Variants in DNAH12 observed in about 807,000 individuals in gnomAD.
DNAH12 encodes the protein dynein axonemal heavy chain 12.
A neutral mutation model predicts 371.5 loss-of-function variants in DNAH12; 285 were observed. That is an observed-to-expected ratio of 0.77 (90% CI 0.70 to 0.85). The LOEUF (loss-of-function observed/expected upper bound fraction) is 0.85, where lower values mean the gene tolerates loss of function less well. DNAH12 is among the 40% of genes least tolerant of loss of function. DNAH12 has a pLI of 0.00. For synonymous variants in DNAH12, 1,200 were observed against 1,213.0 expected (o/e 0.99, Z 0.22); for missense variants, 3,611 against 3,689.4 (o/e 0.98, Z 0.55).
intron 29 of DNAH12, among the ~76,000 whole-genome samples, 176 bp downstream of exon 29, chr3:57,444,521 T>C (rs1050431462): frequency 6.6e-6 from 1 of 152,328 alleles, no homozygotes; most frequent in Non-Finnish European, 1.5e-5. Context: ...AGGTTAACCC[T>C]GGTATCATAT....
intron 43 of DNAH12, among the ~76,000 whole-genome samples, chr3:57,395,991 A>C (rs1352462671): frequency 6.6e-6 from 1 of 151,878 alleles, no homozygotes; most frequent in Non-Finnish European, 1.5e-5. Context: ...TAAAAATTTT[A>C]ATTTAGGCTG....
At chr3:57,441,458 C>T (rs1370657042) in intron 29 of DNAH12, among the ~76,000 whole-genome samples, 1 of 151,956 alleles carries the variant, frequency 6.6e-6, no homozygotes, top group Non-Finnish European at 1.5e-5. Context: ...ACTGAAGTTC[C>T]GGAAGGAGAG....
Position 57,472,657 on chromosome 3 carries a change from T to G in DNAH12, c.1665A>C (p.Gln555His). Residue 555 changes from glutamine (Q) to histidine (H), a missense_variant, in exon 14 of 74, where the codon CAA (glutamine) becomes CAC (histidine). Coordinates refer to ENST00000495027, the MANE Select transcript of DNAH12 (RefSeq NM_001366028.2). The part of the protein sequence containing the change: ...LILRIQESKR[Q>H]MSYFLDVFLF... The stretch of plus-strand genomic sequence containing the variant: ...GGAAAACATCTAAAAAGTAACTCAT[T>G]TGGCGTTTAGATTCCTACAAAAGAA... 1 of 1,550,394 alleles carries G rather than the reference T, an allele frequency of 6.4e-7. No homozygotes were observed. The highest frequency in any genetic ancestry group is 8.7e-7 in the Non-Finnish European group (1 of 1,146,554).
chr3:57,408,410 C>A lies in DNAH12; in HGVS notation c.6146G>T (p.Ser2049Ile). The A allele has an allele frequency of 6.4e-7, 1 of 1,551,566 alleles. No individual in the cohort carries two copies. The highest frequency in any genetic ancestry group is 8.7e-7 in the Non-Finnish European group (1 of 1,146,928). The change falls in exon 40 of 74, where the codon AGT becomes ATT. Residue 2049 changes from serine to isoleucine, a missense_variant. By Grantham distance (142) the Ser-to-Ile change is moderately radical. This residue lies in a region of DNAH12 where 2,266 missense variants were observed against 2,236.9 expected (regional missense o/e 1.01). Transcript: ENST00000495027. Reference protein sequence around the residue: ...PRCIRHFNICSINSFSDETMV... With the variant: ...PRCIRHFNICIINSFSDETMV... ...AGTTTCATCACTAAAAGAATTAATACTGCAGATGTTGAAATGTCGAATACA... is the reference window on the plus strand; with the variant it reads ...AGTTTCATCACTAAAAGAATTAATAATGCAGATGTTGAAATGTCGAATACA...
intron 60 of DNAH12, among the ~76,000 whole-genome samples, chr3:57,343,659 G>GTT (rs2062461715): frequency 6.6e-6 from 1 of 152,210 alleles, no homozygotes; most frequent in African/African-American, 2.4e-5. Flanking sequence ...AGGTGGATTA[G>GTT]TAAAAGGGGA....
chr3:57,529,728 G>T (rs577908522), intron 2 of DNAH12, among the ~76,000 whole-genome samples: 32 of 151,968 alleles, frequency 2.1e-4, no homozygotes, highest in Non-Finnish European at 4.3e-4. Flanking sequence ...TCATTCCAAT[G>T]TCATTTATTT....
chr3:57,403,599 C>G (rs2063936070), intron 42 of DNAH12, 98 bp from the exon 43 acceptor site: 1 of 1,158,152 alleles, frequency 8.6e-7, no homozygotes. Context: ...GAATGTGACT[C>G]TGCTGTCCCA....
intron 11 of DNAH12, among the ~76,000 whole-genome samples, chr3:57,492,819 A>G (rs1385273081): frequency 1.3e-5 from 2 of 152,136 alleles, no homozygotes; most frequent in African/African-American, 4.8e-5. Context: ...ATCCTGGCCA[A>G]CATGGTGAAA....
chr3:57,428,586 G>A (rs1361354168), intron 34 of DNAH12, 47 bp downstream of exon 34: 1 of 1,509,748 alleles, frequency 6.6e-7, no homozygotes, highest in Non-Finnish European at 8.8e-7. Context: ...TAGTCAAGTT[G>A]AATGGAAACA....
rs1355322159 is a variant in DNAH12, at chr3:57,408,410, C to T, written c.6146G>A (p.Ser2049Asn). The T allele has an allele frequency of 6.4e-7, 1 of 1,551,566 alleles. No individual in the cohort carries two copies. The change falls in exon 40 of 74, where the codon AGT (serine) becomes AAT (asparagine). Residue 2049 changes from serine to asparagine, a missense_variant. Ser to Asn is a conservative substitution (Grantham distance 46, BLOSUM62 1). Around this residue, in one of 3 missense-constraint regions of DNAH12, gnomAD observed 2,266 missense variants for 2,236.9 expected, o/e 1.01. Coordinates refer to ENST00000495027, the MANE Select transcript of DNAH12 (RefSeq NM_001366028.2). ...AGTTTCATCACTAAAAGAATTAATACTGCAGATGTTGAAATGTCGAATACA... is the reference window on the plus strand; with the variant it reads ...AGTTTCATCACTAAAAGAATTAATATTGCAGATGTTGAAATGTCGAATACA... The part of the protein sequence containing the change: ...PRCIRHFNIC[S>N]INSFSDETMV...
At position 57,384,850 on chromosome 3, in the gene DNAH12, C is replaced by T. The variant is rs1237610582; in HGVS notation, c.7839G>A (p.Leu2613=). 1 of 152,192 alleles carries T rather than the reference C, an allele frequency of 6.6e-6. No homozygotes were observed. Among genetic ancestry groups the T allele is most frequent in the Non-Finnish European group, 1.5e-5 (1 of 68,022 alleles). The allele number at this position is 152,192 out of a possible 1,614,324, so 9.4% of individuals were successfully genotyped here. A position where few individuals can be genotyped will look rare whatever the true frequency, so the allele number is the denominator to read the frequency against. ...TTGCCTTAAGTGTATCCAGTGCAGA[C>T]AGAGCTGCTTCCAAGGCTGGAATCG... is the stretch of plus-strand genomic sequence containing the variant. ...AEAIPALEAA[L]SALDTLKPAD... The change falls in exon 49 of 74, where the codon CTG becomes CTA. Residue 2613 remains leucine, a synonymous_variant. Coordinates refer to ENST00000495027, the MANE Select transcript of DNAH12 (RefSeq NM_001366028.2).
rs113616887 is a variant in DNAH12 at position 57,461,218 on chromosome 3, T to C, written c.2736+271A>G. 4.7e-3 allele frequency among the ~76,000 whole-genome samples: 712 copies of C among 152,268 alleles called. 5 individuals carry two copies. Among genetic ancestry groups the C allele is most frequent in the Non-Finnish European group, 5.3e-3 (362 of 68,006 alleles). The stretch of plus-strand genomic sequence containing the variant: ...GTTAGAATAAGTAATACCACCTGTT[T>C]TCCTCTCAAGTCTATCACTGCCATT... On this transcript the variant is annotated intron_variant, in intron 19 of 73. Coordinates refer to ENST00000495027, the MANE Select transcript of DNAH12 (RefSeq NM_001366028.2).
chr3:57,386,762 A>G (rs1216280067), intron 46 of DNAH12, among the ~76,000 whole-genome samples, 159 bp from the exon 47 acceptor site: 1 of 152,226 alleles, frequency 6.6e-6, no homozygotes, highest in Non-Finnish European at 1.5e-5. Context: ...ATATTACCAC[A>G]TTATAATTTC....
At chr3:57,461,752 C>T (rs1465097482) in intron 18 of DNAH12, 63 bp from the exon 19 acceptor site, 1 of 1,329,822 alleles carries the variant, frequency 7.5e-7, no homozygotes, top group Admixed American at 2.1e-5. Flanking sequence ...ACTATATTGA[C>T]TTTCCCTAGT....
intron 2 of DNAH12, among the ~76,000 whole-genome samples, chr3:57,539,786 T>C (rs924996058): frequency 2.6e-5 from 4 of 151,586 alleles, no homozygotes; most frequent in Admixed American, 2.6e-4. Context: ...GCTAATTTTT[T>C]GTATTTTTTT....
At chr3:57,396,290 C>CA (rs1159748997) in intron 43 of DNAH12, among the ~76,000 whole-genome samples, 11,111 of 67,174 alleles carry the variant, frequency 0.17, 375 homozygotes, top group South Asian at 0.28. Context: ...AAAAAAAAAA[C>CA]AAAAAAAAAA....
At chr3:57,453,424 C>G (rs2065814317) in intron 23 of DNAH12, 21 bp from the exon 24 acceptor site, 3 of 1,456,458 alleles carry the variant, frequency 2.1e-6, no homozygotes, top group Admixed American at 5.1e-5. Flanking sequence ...AAAAAAAAAG[C>G]AATCTAATTG....
At chr3:57,451,012 T>G (rs1197290269) in intron 25 of DNAH12, among the ~76,000 whole-genome samples, 2 of 152,244 alleles carry the variant, frequency 1.3e-5, no homozygotes, top group Non-Finnish European at 2.9e-5. Context: ...TGAAGTGGAA[T>G]AATTCGTGCC....
chr3:57,447,113 G>A (rs2065530529), intron 25 of DNAH12, among the ~76,000 whole-genome samples: 1 of 152,122 alleles, frequency 6.6e-6, no homozygotes, highest in African/African-American at 2.4e-5. Context: ...AGAAACAGAT[G>A]ACCTATTATA....
Sources: allele counts gnomAD v4.1 joint callset (sites outside exome capture counted in the v4.1 genomes callset), GRCh38; gene constraint gnomAD v4.1.1; regional missense constraint gnomAD v4.1.1; transcripts MANE v1.5; gene names NCBI Gene and HGNC (gene_info 2026-07-23, HGNC 2026-07-21).